Variants in VTI1A observed in about 807,000 individuals in gnomAD.
The protein encoded by VTI1A is vesicle transport through interaction with t-SNAREs 1A.
Under a neutral mutation model 34.9 loss-of-function variants are expected in VTI1A, and 22 were observed. That is an observed-to-expected ratio of 0.63 (90% CI 0.45 to 0.90). The LOEUF (loss-of-function observed/expected upper bound fraction) is 0.90, where lower values mean the gene tolerates loss of function less well. VTI1A is among the 40% of genes least tolerant of loss of function. VTI1A has a pLI of 0.00. For synonymous variants in VTI1A, 87 were observed against 97.3 expected, an observed-to-expected ratio of 0.89 and a Z score of 0.62; for missense variants, 268 against 275.6, an observed-to-expected ratio of 0.97 and a Z score of 0.20.
At chr10:112,683,990 C>G (rs1181325040) in intron 7 of VTI1A, among the ~76,000 whole-genome samples, 2 of 151,532 alleles carry the variant, frequency 1.3e-5, no homozygotes, top group African/African-American at 4.9e-5. Context: ...TTGCAGTGAG[C>G]TGAGATCGTG....
intron 7 of VTI1A, among the ~76,000 whole-genome samples, chr10:112,763,267 T>C (rs926404972): frequency 6.6e-6 from 1 of 152,050 alleles, no homozygotes; most frequent in East Asian, 1.9e-4. Context: ...GGTGAAACCC[T>C]GTCTGTACTA....
intron 3 of VTI1A, among the ~76,000 whole-genome samples, chr10:112,466,203 G>A (rs1269554051): frequency 6.6e-6 from 1 of 152,158 alleles, no homozygotes; most frequent in Non-Finnish European, 1.5e-5. Context: ...TGCCTTAGGT[G>A]TTTTGCTTTT....
chr10:112,692,316 A>C (rs1021911225), intron 7 of VTI1A, among the ~76,000 whole-genome samples: 18 of 152,322 alleles, frequency 1.2e-4, no homozygotes, highest in African/African-American at 4.1e-4. Flanking sequence ...GTCCTAGTAA[A>C]TGTACTTGTT....
At chr10:112,489,952 T>C (rs570925410) in intron 3 of VTI1A, among the ~76,000 whole-genome samples, 1 of 152,298 alleles carries the variant, frequency 6.6e-6, no homozygotes, top group East Asian at 1.9e-4. Context: ...GATTAGAAAA[T>C]TGAGCTGTTG....
chr10:112,529,531 T>C (rs1012315782), intron 4 of VTI1A, among the ~76,000 whole-genome samples: 2 of 151,990 alleles, frequency 1.3e-5, no homozygotes, highest in Non-Finnish European at 2.9e-5. Context: ...CTAGGAAGAG[T>C]TTTTTTCTAG....
At chr10:112,597,273 A>G (rs1294905654) in intron 5 of VTI1A, among the ~76,000 whole-genome samples, 1 of 152,090 alleles carries the variant, frequency 6.6e-6, no homozygotes, top group Non-Finnish European at 1.5e-5. Context: ...GCTGGAGTGC[A>G]ATGATGCGGT....
chr10:112,637,877 GA>G (rs1261992928), intron 5 of VTI1A, among the ~76,000 whole-genome samples: 1 of 152,124 alleles, frequency 6.6e-6, no homozygotes, highest in Non-Finnish European at 1.5e-5. Context: ...ATGGTAGTAC[GA>G]AAAAATTGTC....
At chr10:112,605,252 C>G (rs776393259) in intron 5 of VTI1A, among the ~76,000 whole-genome samples, 4 of 152,076 alleles carry the variant, frequency 2.6e-5, no homozygotes, top group African/African-American at 4.8e-5. Context: ...GTGTAGTGTC[C>G]CCTTGCCTTC....
intron 5 of VTI1A, among the ~76,000 whole-genome samples, chr10:112,592,730 G>T (rs7918178): frequency 0.1 from 15,424 of 152,206 alleles, 860 homozygotes; most frequent in African/African-American, 0.12. Flanking sequence ...TAGACAAGGT[G>T]CCCATATACA....
intron 7 of VTI1A, among the ~76,000 whole-genome samples, chr10:112,813,134 C>T (rs147164272): frequency 1.3e-5 from 2 of 152,270 alleles, no homozygotes; most frequent in African/African-American, 4.8e-5. Context: ...AGCAACAGAG[C>T]GGGCGGTGGA....
the VTI1A span, among the ~76,000 whole-genome samples, chr10:112,835,472 C>T: frequency 6.6e-6 from 1 of 152,220 alleles, no homozygotes; most frequent in South Asian, 2.1e-4. Flanking sequence ...AGCTGCTGTA[C>T]AAGCCCCTTG....
intron 7 of VTI1A, among the ~76,000 whole-genome samples, chr10:112,741,869 C>A (rs1017533354): frequency 2.0e-4 from 31 of 152,218 alleles, no homozygotes; most frequent in African/African-American, 7.5e-4. Flanking sequence ...TGGTTGGAAT[C>A]TGCAGCAGTC....
chr10:112,635,679 A>G (rs1278575812), intron 5 of VTI1A, among the ~76,000 whole-genome samples: 1 of 152,200 alleles, frequency 6.6e-6, no homozygotes, highest in Non-Finnish European at 1.5e-5. Context: ...TGGAAAAGAA[A>G]CAAGTATGAG....
chr10:112,684,437 CTT>C (rs35671432), intron 7 of VTI1A, among the ~76,000 whole-genome samples: 13 of 123,458 alleles, frequency 1.1e-4, no homozygotes, highest in Admixed American at 3.4e-4. Context: ...ATGCTCATCT[CTT>C]TTTTTTTTTT....
chr10:112,811,840 T>G (rs1024868583), intron 7 of VTI1A, among the ~76,000 whole-genome samples: 1 of 152,176 alleles, frequency 6.6e-6, no homozygotes, highest in Non-Finnish European at 1.5e-5. Flanking sequence ...GTGCCGCGCC[T>G]GTCCCCTGCA....
intron 1 of VTI1A, among the ~76,000 whole-genome samples, chr10:112,458,818 C>T (rs961868655): frequency 6.6e-6 from 1 of 151,950 alleles, no homozygotes; most frequent in Non-Finnish European, 1.5e-5. Context: ...AGGCGCCCAC[C>T]ACCACACCCA....
At chr10:112,595,446 C>A (rs1424736508) in intron 5 of VTI1A, among the ~76,000 whole-genome samples, 4 of 151,978 alleles carry the variant, frequency 2.6e-5, no homozygotes, top group Middle Eastern at 3.2e-3. Context: ...ATCTACAATG[C>A]ACTCAAACAA....
At chr10:112,801,816 C>T (rs567202677) in intron 7 of VTI1A, among the ~76,000 whole-genome samples, 1 of 152,272 alleles carries the variant, frequency 6.6e-6, no homozygotes, top group Admixed American at 6.5e-5. Context: ...AGGCAGTGTG[C>T]CAGTGATTGA....
intron 3 of VTI1A, among the ~76,000 whole-genome samples, chr10:112,507,335 T>A (rs1173958315): frequency 6.6e-6 from 1 of 152,168 alleles, no homozygotes; most frequent in African/African-American, 2.4e-5. Flanking sequence ...TTCCGTATAT[T>A]CTCCAGTCAT....
Sources: allele counts gnomAD v4.1 joint callset (sites outside exome capture counted in the v4.1 genomes callset), GRCh38; gene constraint gnomAD v4.1.1; transcripts MANE v1.5; gene names NCBI Gene and HGNC (gene_info 2026-07-23, HGNC 2026-07-21).